Variants in PLCH1 observed in about 807,000 individuals in gnomAD.
PLCH1 encodes the protein phospholipase C eta 1.
A neutral mutation model predicts 126.7 loss-of-function variants in PLCH1; 60 were observed. The observed-to-expected ratio is 0.47, with a 90% CI of 0.38 to 0.59. PLCH1 has a LOEUF of 0.59. PLCH1 is among the 20% of genes least tolerant of loss of function. PLCH1 has a pLI of 0.00. For synonymous variants in PLCH1, 719 were observed against 734.9 expected, an observed-to-expected ratio of 0.98 and a Z score of 0.35; for missense variants, 1,723 against 2,040.0, an observed-to-expected ratio of 0.84 and a Z score of 2.99.
intron 1 of PLCH1, 140 bp from the exon 2 acceptor site, chr3:155,704,404 C>A (rs1169966545): frequency 2.5e-6 from 1 of 394,996 alleles, no homozygotes; most frequent in Non-Finnish European, 4.5e-6. Context: ...GAGCTGGAAT[C>A]CCCCAGGCCC....
At chr3:155,472,118 G>A (rs1291030861) in intron 21 of PLCH1, among the ~76,000 whole-genome samples, 36 of 151,752 alleles carry the variant, frequency 2.4e-4, no homozygotes, top group African/African-American at 3.6e-4. Flanking sequence ...AAAACCCTTC[G>A]AAAAATTAAT....
At chr3:155,744,106 G>A (rs1749811332) in intron 1 of PLCH1, among the ~76,000 whole-genome samples, 1 of 152,118 alleles carries the variant, frequency 6.6e-6, no homozygotes, top group African/African-American at 2.4e-5. Context: ...AATAGAAAAA[G>A]CCTCGGGAAG....
intron 2 of PLCH1, among the ~76,000 whole-genome samples, chr3:155,649,268 G>A (rs926191744): frequency 1.7e-4 from 26 of 152,112 alleles, no homozygotes; most frequent in African/African-American, 6.3e-4. Context: ...GCTGCTAGAG[G>A]AAAGTGAGGC....
At chr3:155,472,889 TAA>T (rs1353365313) in intron 21 of PLCH1, among the ~76,000 whole-genome samples, 7 of 151,682 alleles carry the variant, frequency 4.6e-5, no homozygotes, top group African/African-American at 1.7e-4. Context: ...CCCTTCATAC[TAA>T]AAACTCTCAA....
At chr3:155,666,363 T>C (rs1413754503) in intron 2 of PLCH1, among the ~76,000 whole-genome samples, 3 of 152,220 alleles carry the variant, frequency 2.0e-5, no homozygotes, top group African/African-American at 7.2e-5. Context: ...ATCTCATTCT[T>C]TTAATTTTTG....
At chr3:155,617,010 T>C (rs1421504257) in intron 2 of PLCH1, among the ~76,000 whole-genome samples, 2 of 152,146 alleles carry the variant, frequency 1.3e-5, no homozygotes, top group Non-Finnish European at 2.9e-5. Context: ...ATGGAAAACA[T>C]TGTCAAGTAT....
chr3:155,656,417 A>G (rs1741376708), intron 2 of PLCH1, among the ~76,000 whole-genome samples: 2 of 152,234 alleles, frequency 1.3e-5, no homozygotes, highest in South Asian at 4.1e-4. Context: ...ATTTACACAC[A>G]TATAAAACTA....
intron 21 of PLCH1, among the ~76,000 whole-genome samples, chr3:155,473,131 G>C (rs1211815046): frequency 8.7e-5 from 13 of 148,664 alleles, no homozygotes; most frequent in Non-Finnish European, 1.3e-4. Context: ...AAAAGAGGAA[G>C]TCAAATTGTC....
intron 2 of PLCH1, among the ~76,000 whole-genome samples, chr3:155,656,459 T>G (rs2108918716): frequency 6.6e-6 from 1 of 152,310 alleles, no homozygotes; most frequent in Non-Finnish European, 1.5e-5. Context: ...CATTAACCAG[T>G]GAAATTTTTT....
At chr3:155,513,585 T>C (rs1013179508) in intron 12 of PLCH1, among the ~76,000 whole-genome samples, 1 of 152,156 alleles carries the variant, frequency 6.6e-6, no homozygotes, top group African/African-American at 2.4e-5. Context: ...CAGGCACTTG[T>C]GGTGTTGAAA....
At chr3:155,621,127 G>C (rs1577163878) in intron 2 of PLCH1, among the ~76,000 whole-genome samples, 1 of 152,068 alleles carries the variant, frequency 6.6e-6, no homozygotes, top group Non-Finnish European at 1.5e-5. Context: ...ACAGGGTCTG[G>C]AGTGGACCTC....
At chr3:155,574,000 A>C (rs981214868) in intron 6 of PLCH1, among the ~76,000 whole-genome samples, 12 of 151,822 alleles carry the variant, frequency 7.9e-5, no homozygotes, top group Non-Finnish European at 1.8e-4. Context: ...TGCAACCTCC[A>C]CCTCCAGGGT....
intron 1 of PLCH1, among the ~76,000 whole-genome samples, chr3:155,716,813 T>C (rs567978806): frequency 6.8e-4 from 103 of 152,308 alleles, no homozygotes; most frequent in African/African-American, 1.9e-3. Context: ...TCTCATGTCC[T>C]CCTTATATTG....
At chr3:155,657,960 T>C (rs979374265) in intron 2 of PLCH1, 1 of 153,364 alleles carries the variant, frequency 6.5e-6, no homozygotes, top group Non-Finnish European at 1.5e-5. Flanking sequence ...CTGTCTACTG[T>C]GTATTCCAGA....
chr3:155,550,975 A>G (rs934764993), intron 9 of PLCH1, among the ~76,000 whole-genome samples: 5 of 152,164 alleles, frequency 3.3e-5, no homozygotes, highest in Non-Finnish European at 7.3e-5. Flanking sequence ...TGGCTGAGGT[A>G]GGTTTCCTTA....
intron 5 of PLCH1, among the ~76,000 whole-genome samples, chr3:155,584,011 C>T (rs1731054056): frequency 6.7e-6 from 1 of 149,882 alleles, no homozygotes; most frequent in Non-Finnish European, 1.5e-5. Flanking sequence ...TATAAAATAA[C>T]ATTAGAAACT....
At chr3:155,549,700 C>A in intron 10 of PLCH1, 87 bp downstream of exon 10, 3 of 890,082 alleles carry the variant, frequency 3.4e-6, no homozygotes, top group Non-Finnish European at 5.2e-6. Flanking sequence ...AATTATTATT[C>A]TCCCTTGAAA....
Position 155,482,669 on chromosome 3 carries a change from G to C in PLCH1, c.3357C>G (p.Val1119=). ...TAATTTCTAGGTTGCTATGAGAAAG[G>C]ACGCTTCCTGACAAGATGCTTTTCC... ...VEGKSILSGS[V]LSHSNLEIKN... Residue 1119 remains valine, a synonymous_variant, in exon 23 of 23, where the codon GTC becomes GTG. Transcript: ENST00000460012. 1 of 1,614,170 alleles carries C rather than the reference G, an allele frequency of 6.2e-7. No individual in the cohort carries two copies. Among genetic ancestry groups the C allele is most frequent in the South Asian group, 1.1e-5 (1 of 91,072 alleles).
At chr3:155,723,980 A>G (rs1748136963) in intron 1 of PLCH1, among the ~76,000 whole-genome samples, 1 of 146,566 alleles carries the variant, frequency 6.8e-6, no homozygotes, top group African/African-American at 2.6e-5. Flanking sequence ...AAAAAATTCC[A>G]TCTTGATTTC....
Sources: gnomAD v4.1 joint callset for allele counts (sites outside exome capture counted in the v4.1 genomes callset) on GRCh38, gnomAD v4.1.1 for gene constraint, MANE v1.5 for transcripts, NCBI Gene and HGNC (gene_info 2026-07-23, HGNC 2026-07-21) for gene names.